The following TLCD3B variants were observed in gnomAD, a reference collection of about 807,000 sequenced individuals.
TLCD3B encodes the protein ceramide synthase.
In TLCD3B, 9 loss-of-function variants were observed where a neutral mutation model predicts 23.0. That is an observed-to-expected ratio of 0.39 (90% confidence interval 0.24 to 0.68). TLCD3B has a LOEUF of 0.68. Among genes scored for constraint, TLCD3B ranks in the 30% least tolerant of loss-of-function variants. TLCD3B has a pLI of 0.44. For missense variants in TLCD3B, 307 were observed against 371.8 expected (o/e 0.83, Z 1.43); for synonymous variants, 161 against 161.0 (o/e 1.00, Z 0.00).
chr16:30,026,229 C>T (rs1297923573), intron 3 of TLCD3B, among the ~76,000 whole-genome samples: 2 of 150,438 alleles, frequency 1.3e-5, no homozygotes, highest in Non-Finnish European at 3.0e-5. Flanking sequence ...AGAGAGACTC[C>T]GTCTTGGAAA....
At position 30,025,711 on chromosome 16, in the gene TLCD3B, C is replaced by A; in HGVS notation, c.540+15G>T. Reference sequence around the variant, plus strand: ...CCTCCCCATTGGGCTCCTGCACCCTCCCATGCTCACTCACCTGGATGAGGA... The same window carrying A: ...CCTCCCCATTGGGCTCCTGCACCCTACCATGCTCACTCACCTGGATGAGGA... On this transcript the variant is annotated intron_variant, in intron 4 of 4. Coordinates refer to ENST00000380495, the MANE Select transcript of TLCD3B (RefSeq NM_031478.6). The surrounding 1 kb of genome is among the most constrained non-coding windows in gnomAD (Gnocchi z 4.1). 6.2e-7 allele frequency: 1 copy of A among 1,613,566 alleles called. No homozygotes were observed.
At chr16:30,037,610 C>T (rs1462135117) in intron 3 of TLCD3B, among the ~76,000 whole-genome samples, 1 of 151,046 alleles carries the variant, frequency 6.6e-6, no homozygotes, top group Non-Finnish European at 1.5e-5. Flanking sequence ...TACCTGTGGT[C>T]CCAGGTACTT....
intron 3 of TLCD3B, among the ~76,000 whole-genome samples, chr16:30,037,243 CA>C (rs1044285052): frequency 6.6e-6 from 1 of 150,886 alleles, no homozygotes; most frequent in Non-Finnish European, 1.5e-5. Flanking sequence ...CCTGTCTCTA[CA>C]AAAAATTAGA....
In TLCD3B at chr16:30,025,830, A is replaced by C; in HGVS notation, c.445-9T>G. On this transcript the variant is annotated splice_polypyrimidine_tract_variant and intron_variant, in intron 3 of 4. Coordinates refer to ENST00000380495, the MANE Select transcript of TLCD3B (RefSeq NM_031478.6). This position sits in a 1 kb window ranked among gnomAD's most constrained non-coding sequence, Gnocchi z 4.1. ...TTACCCTGTCGCCACACCTGGGCAC[A>C]GAGGCAGGAAGGTGAGGAGCTGGGG... 6.2e-7 allele frequency: 1 copy of C among 1,611,176 alleles called. No homozygotes were observed. The highest frequency in any genetic ancestry group is 8.5e-7 in the Non-Finnish European group (1 of 1,177,698).
chr16:30,037,575 T>C (rs1020809017), intron 3 of TLCD3B, among the ~76,000 whole-genome samples: 4 of 145,162 alleles, frequency 2.8e-5, no homozygotes, highest in South Asian at 2.2e-4. Context: ...AGAAGAAGAA[T>C]AAAATAGTCC....
chr16:30,024,518 G>C lies in TLCD3B; in HGVS notation c.*665C>G, dbSNP rs560979070. ...GATTGGAGGAAGCCTTGAGAGGTCA[G>C]TAGCACCAGGGACATGGCAGGGCCC... On this transcript the variant is annotated 3_prime_UTR_variant, in exon 5 of 5. Transcript: ENST00000380495. The C allele has an allele frequency of 2.0e-6, 1 of 503,816 alleles. No individual in the cohort carries two copies. Among genetic ancestry groups the C allele is most frequent in the East Asian group, 3.3e-5 (1 of 30,420 alleles). 31.2% of individuals were successfully genotyped at this position (503,816 alleles called of 1,614,324 possible).
Position 30,030,415 on chromosome 16 carries a change from A to G in TLCD3B, c.113T>C (p.Ile38Thr), listed in dbSNP as rs1328964212. Reference sequence around the variant, plus strand: ...GAAAGTGGTTTACCTGGCTGAGACAATGACTGCGTCGGCCTCCTCCCAGCG... The same window carrying G: ...GAAAGTGGTTTACCTGGCTGAGACAGTGACTGCGTCGGCCTCCTCCCAGCG... ...QLRWEEADAV[I>T]VSARLVSSVQ... is the part of the protein sequence containing the mutation. The change falls in exon 1 of 5, where the codon ATT becomes ACT. Residue 38 changes from isoleucine to threonine, a missense_variant. Transcript: ENST00000380495. 6 of 1,584,694 alleles carry G rather than the reference A, an allele frequency of 3.8e-6. No homozygotes were observed. In the East Asian group the frequency reaches 1.1e-4, roughly 30 times the overall value.
At chr16:30,030,314 G>T in intron 1 of TLCD3B, 89 bp downstream of exon 1, 1 of 1,347,402 alleles carries the variant, frequency 7.4e-7, no homozygotes, top group Non-Finnish European at 1.0e-6. Flanking sequence ...GTCCCCCACC[G>T]CTGAGGGTCC....
upstream of TLCD3B, chr16:30,035,332 C>T (rs1056472689): frequency 7.8e-7 from 1 of 1,289,460 alleles, no homozygotes. Flanking sequence ...GAAGGACACC[C>T]TCACCCTGGT....
At chr16:30,041,176 A>G (rs1022643518) in intron 2 of TLCD3B, 2 of 152,198 alleles carry the variant, frequency 1.3e-5, no homozygotes, top group Non-Finnish European at 2.9e-5. Context: ...AAAATATGAG[A>G]GGAGAAAATT....
At chr16:30,051,850 G>T (rs1279194619) in intron 1 of TLCD3B, among the ~76,000 whole-genome samples, 1 of 152,190 alleles carries the variant, frequency 6.6e-6, no homozygotes, top group Non-Finnish European at 1.5e-5. Context: ...TGAGGAAGAG[G>T]TTTGAGGGGA....
intron 2 of TLCD3B, among the ~76,000 whole-genome samples, chr16:30,028,658 C>A (rs1266844007): frequency 6.6e-6 from 1 of 152,198 alleles, no homozygotes; most frequent in African/African-American, 2.4e-5. Flanking sequence ...AAAGAGGAGG[C>A]AAACAGAAAC....
chr16:30,044,078 C>G (rs955989972), intron 2 of TLCD3B, among the ~76,000 whole-genome samples: 2 of 150,920 alleles, frequency 1.3e-5, no homozygotes, highest in African/African-American at 4.9e-5. Context: ...CTCACTGCAA[C>G]CTCCGCCTCC....
At chr16:30,045,092 C>CAAAAAAAAAAAAAAAAAAAAAAAAA (rs1162281544) in intron 2 of TLCD3B, among the ~76,000 whole-genome samples, 1 of 22,226 alleles carries the variant, frequency 4.5e-5, no homozygotes, top group African/African-American at 2.1e-4. Context: ...GACTCCATCT[C>CAAAAAAAAAAAAAAAAAAAAAAAAA]AAAAAAAAAA....
rs918321779 is a variant in TLCD3B, at chr16:30,049,893, T to C, written c.-294+2881A>G. On this transcript the variant is annotated intron_variant, in intron 1 of 6. Coordinates refer to the TLCD3B transcript ENST00000561666. ...GCGCTGAGATCGCACCACTGCACTC[T>C]AGCGTGGGCAACAGAGCAAGACTCC... 2.0e-5 allele frequency among the ~76,000 whole-genome samples: 3 copies of C among 148,604 alleles called. No homozygotes were observed. The East Asian group carries it at 5.9e-4, about 29-fold the overall frequency.
intron 3 of TLCD3B, among the ~76,000 whole-genome samples, chr16:30,037,545 A>AC (rs1353544050): frequency 6.7e-6 from 1 of 149,558 alleles, no homozygotes; most frequent in African/African-American, 2.5e-5. Context: ...TGTGTTTCAA[A>AC]AAAAAAAAAA....
upstream of TLCD3B, chr16:30,032,674 T>G (rs1370199127): frequency 8.1e-6 from 1 of 123,676 alleles, no homozygotes; most frequent in African/African-American, 3.0e-5. Context: ...TGAGATAGGG[T>G]CTCATTCTGT....
At chr16:30,030,308 C>G in intron 1 of TLCD3B, 95 bp downstream of exon 1, 1 of 1,315,138 alleles carries the variant, frequency 7.6e-7, no homozygotes, top group Non-Finnish European at 1.1e-6. Context: ...CTCCCAGTCC[C>G]CCACCGCTGA....
rs752965771 is a variant in TLCD3B at position 30,025,407 on chromosome 16, G to A, written c.601C>T (p.Leu201Phe). 1.5e-5 allele frequency: 24 copies of A among 1,611,960 alleles called. No homozygotes were observed. In the South Asian group the frequency reaches 2.5e-4, roughly 17 times the overall value. Residue 201 changes from leucine to phenylalanine, a missense_variant, in exon 5 of 5, where the codon CTC (leucine) becomes TTC (phenylalanine). Transcript: ENST00000380495. This position sits in a 1 kb window ranked among gnomAD's most constrained non-coding sequence, Gnocchi z 4.1. ...GGAAAGAGCAGCACCCGGCAGCAGAGGAAGCTGAGCAGCATCAGGGCCCCG... is the reference window on the plus strand; with the variant it reads ...GGAAAGAGCAGCACCCGGCAGCAGAAGAAGCTGAGCAGCATCAGGGCCCCG... Reference protein sequence around the residue: ...VNGALMLLSFLCCRVLLFPYL... With the variant: ...VNGALMLLSFFCCRVLLFPYL...
Sources: gnomAD v4.1 joint callset for allele counts (sites outside exome capture counted in the v4.1 genomes callset) on GRCh38, gnomAD v4.1.1 for gene constraint, Gnocchi (gnomAD v3.1) non-coding constraint, MANE v1.5 for transcripts, NCBI Gene and HGNC (gene_info 2026-07-23, HGNC 2026-07-21) for gene names.